Variants in CTNNA3 observed in about 807,000 individuals in gnomAD.
CTNNA3 encodes the protein catenin alpha 3.
CTNNA3 carries 76 observed loss-of-function variants against 95.7 expected under a neutral mutation model. That is an observed-to-expected ratio of 0.79 (90% CI 0.66 to 0.96). CTNNA3 has a LOEUF of 0.96. CTNNA3 is among the 40% of genes least tolerant of loss of function. The pLI is 0.00. For synonymous variants in CTNNA3, 431 were observed against 374.4 expected, an observed-to-expected ratio of 1.15 and a Z score of -1.74; for missense variants, 1,191 against 1,089.8, an observed-to-expected ratio of 1.09 and a Z score of -1.31.
intron 13 of CTNNA3, among the ~76,000 whole-genome samples, chr10:66,246,455 C>A (rs1039345605): frequency 6.6e-6 from 1 of 152,076 alleles, no homozygotes; most frequent in African/African-American, 2.4e-5. Context: ...TTGTCCCCAG[C>A]TCCCAGCTGC....
chr10:66,311,634 C>T (rs545529651), intron 12 of CTNNA3, among the ~76,000 whole-genome samples: 1 of 152,288 alleles, frequency 6.6e-6, no homozygotes, highest in African/African-American at 2.4e-5. Flanking sequence ...TGTATTCAAC[C>T]TGCAATGGTA....
At chr10:66,333,906 G>C (rs1389164240) in intron 12 of CTNNA3, among the ~76,000 whole-genome samples, 4 of 151,756 alleles carry the variant, frequency 2.6e-5, no homozygotes, top group Admixed American at 6.6e-5. Flanking sequence ...TATGAATCTG[G>C]GTGCTCCTGT....
intron 13 of CTNNA3, among the ~76,000 whole-genome samples, chr10:66,213,985 GT>G (rs1234707215): frequency 1.3e-5 from 2 of 152,210 alleles, no homozygotes; most frequent in African/African-American, 2.4e-5. Context: ...TTAGTTGATA[GT>G]AGCCAAAAAC....
chr10:66,511,532 T>C (rs1911353), intron 11 of CTNNA3, among the ~76,000 whole-genome samples: 51,914 of 151,032 alleles, frequency 0.34, 10,237 homozygotes, highest in Non-Finnish European at 0.43. Flanking sequence ...ATTTTTTCTG[T>C]GTTCCATAGG....
At chr10:67,302,100 T>A (rs1476458240) in intron 5 of CTNNA3, among the ~76,000 whole-genome samples, 1 of 146,788 alleles carries the variant, frequency 6.8e-6, no homozygotes, top group African/African-American at 2.5e-5. Flanking sequence ...AGAAAGAAAA[T>A]CCTTTCATTT....
intron 12 of CTNNA3, among the ~76,000 whole-genome samples, chr10:66,294,219 T>C (rs1325399728): frequency 6.6e-6 from 1 of 152,184 alleles, no homozygotes; most frequent in Non-Finnish European, 1.5e-5. Context: ...TTGCAGCATG[T>C]TGGAAATAGA....
chr10:67,661,084 A>G (rs1165813342), intron 1 of CTNNA3, among the ~76,000 whole-genome samples: 1 of 152,174 alleles, frequency 6.6e-6, no homozygotes, highest in African/African-American at 2.4e-5. Flanking sequence ...TATTTAAAAC[A>G]TTATCCCTAT....
intron 6 of CTNNA3, among the ~76,000 whole-genome samples, chr10:67,195,449 T>A (rs533351415): frequency 8.9e-5 from 13 of 146,086 alleles, no homozygotes; most frequent in Admixed American, 3.0e-4. Flanking sequence ...GAAAATAAAA[T>A]CTACACCTAC....
chr10:67,015,641 T>A (rs1303298648), intron 7 of CTNNA3, among the ~76,000 whole-genome samples: 2 of 152,204 alleles, frequency 1.3e-5, no homozygotes, highest in Admixed American at 6.5e-5. Flanking sequence ...TATTCATTGT[T>A]CTATCTAAAA....
In CTNNA3 at chr10:67,237,122, G is replaced by GTATATATATATATATATA. The variant is rs769498914; in HGVS notation, c.580-17253_580-17252insTATATATATATATATATA. Among the ~76,000 whole-genome samples, 4 of 79,636 alleles carry GTATATATATATATATATA rather than the reference G, an allele frequency of 5.0e-5. 1 individual carries two copies. The highest frequency in any genetic ancestry group is 4.5e-4 in the East Asian group (1 of 2,206). 52.2% of individuals were successfully genotyped at this position (79,636 alleles called of 152,430 possible). Reference sequence around the variant, plus strand: ...AATGAGTGGATAAAGAAACTATGGTGTATGTATATATATATATATATATAT... The same window carrying GTATATATATATATATATA: ...AATGAGTGGATAAAGAAACTATGGTGTATATATATATATATATATATGTATATATATATATATATATAT... On this transcript the variant is annotated intron_variant, in intron 5 of 17. Transcript: ENST00000433211.
intron 5 of CTNNA3, among the ~76,000 whole-genome samples, chr10:67,233,359 A>T (rs1255641680): frequency 6.6e-6 from 1 of 151,086 alleles, no homozygotes; most frequent in African/African-American, 2.4e-5. Context: ...TAAGAATCTC[A>T]CTCAAAACCA....
At chr10:66,712,617 C>CACACACACACACACACACACACAG in intron 9 of CTNNA3, among the ~76,000 whole-genome samples, 1 of 152,216 alleles carries the variant, frequency 6.6e-6, no homozygotes, top group East Asian at 1.9e-4. Flanking sequence ...CTCACACACA[C>CACACACACACACACACACACACAG]AGCAAGAGAC....
intron 7 of CTNNA3, among the ~76,000 whole-genome samples, chr10:66,839,951 A>G (rs532228125): frequency 6.6e-6 from 1 of 152,144 alleles, no homozygotes; most frequent in Non-Finnish European, 1.5e-5. Context: ...TGTTTGAAGT[A>G]TCTGATTTGG....
At chr10:67,369,381 A>G (rs1442962892) in intron 5 of CTNNA3, among the ~76,000 whole-genome samples, 1 of 152,200 alleles carries the variant, frequency 6.6e-6, no homozygotes, top group African/African-American at 2.4e-5. Flanking sequence ...TTCCAGATGC[A>G]TATATTCTAA....
chr10:67,594,955 C>T (rs1210117300), intron 3 of CTNNA3, among the ~76,000 whole-genome samples: 2 of 152,152 alleles, frequency 1.3e-5, no homozygotes, highest in Non-Finnish European at 1.5e-5. Flanking sequence ...TAGCTCAGCT[C>T]CCACTTGTGA....
intron 11 of CTNNA3, among the ~76,000 whole-genome samples, chr10:66,506,561 A>G (rs1840457512): frequency 3.9e-5 from 6 of 152,184 alleles, no homozygotes; most frequent in Admixed American, 3.9e-4. Flanking sequence ...AGCAGCATTA[A>G]TTGTAAAAGA....
At chr10:67,033,111 A>G (rs1853833408) in intron 7 of CTNNA3, among the ~76,000 whole-genome samples, 1 of 152,238 alleles carries the variant, frequency 6.6e-6, no homozygotes, top group African/African-American at 2.4e-5. Flanking sequence ...GAACTATTTT[A>G]ACAAAAATAA....
chr10:67,468,454 C>A (rs1468632705), intron 5 of CTNNA3, among the ~76,000 whole-genome samples: 1 of 151,984 alleles, frequency 6.6e-6, no homozygotes, highest in South Asian at 2.1e-4. Context: ...AGACATGTGA[C>A]CACATATATT....
At chr10:65,999,606 C>T (rs1022182982) in intron 15 of CTNNA3, among the ~76,000 whole-genome samples, 9 of 152,130 alleles carry the variant, frequency 5.9e-5, no homozygotes, top group African/African-American at 2.2e-4. Flanking sequence ...AAACAAAATA[C>T]ACATTTTACA....
Sources: gnomAD v4.1 joint callset for allele counts (sites outside exome capture counted in the v4.1 genomes callset) on GRCh38, gnomAD v4.1.1 for gene constraint, MANE v1.5 for transcripts, NCBI Gene and HGNC (gene_info 2026-07-23, HGNC 2026-07-21) for gene names.